The following PHF14 variants were observed in gnomAD, a reference collection of about 807,000 sequenced individuals.
PHF14 encodes the protein PHD finger protein 14.
In PHF14, 55 loss-of-function variants were observed where a neutral mutation model predicts 117.9. The observed-to-expected ratio is 0.47, with a 90% confidence interval of 0.38 to 0.58. The LOEUF (loss-of-function observed/expected upper bound fraction) is 0.58. Among genes scored for constraint, PHF14 ranks in the 20% least tolerant of loss-of-function variants. The pLI, the probability that PHF14 is intolerant of heterozygous loss-of-function variation, is 0.00. For missense variants in PHF14, 978 were observed against 1,122.2 expected (o/e 0.87, Z 1.84); for synonymous variants, 409 against 368.6 (o/e 1.11, Z -1.26).
intron 17 of PHF14, among the ~76,000 whole-genome samples, chr7:11,128,672 T>C (rs1414879677): frequency 6.6e-6 from 1 of 151,802 alleles, no homozygotes; most frequent in African/African-American, 2.4e-5. Flanking sequence ...GCTGCTAGTA[T>C]TTTAGATGTA....
At chr7:11,077,619 A>AG (rs1481629160) in intron 16 of PHF14, among the ~76,000 whole-genome samples, 2 of 151,484 alleles carry the variant, frequency 1.3e-5, no homozygotes, top group East Asian at 3.9e-4. Context: ...AAAAAAAAAA[A>AG]AAGACAGATT....
intron 17 of PHF14, among the ~76,000 whole-genome samples, chr7:11,152,311 C>T (rs1391487713): frequency 5.3e-5 from 8 of 152,076 alleles, no homozygotes; most frequent in African/African-American, 1.9e-4. Flanking sequence ...AATCCTAGCT[C>T]CTCTAATATT....
intron 13 of PHF14, among the ~76,000 whole-genome samples, chr7:11,047,319 T>C (rs1190315971): frequency 1.3e-5 from 2 of 151,912 alleles, no homozygotes; most frequent in Admixed American, 6.6e-5. Context: ...CCGCCTGCCT[T>C]GGCCTCCCAA....
At chr7:11,123,340 T>C (rs1787828071) in intron 17 of PHF14, among the ~76,000 whole-genome samples, 2 of 152,238 alleles carry the variant, frequency 1.3e-5, no homozygotes, top group Admixed American at 6.5e-5. Context: ...CGTTTCCTCT[T>C]ATAGTCTCCT....
intron 17 of PHF14, among the ~76,000 whole-genome samples, chr7:11,142,453 A>G (rs1181281029): frequency 3.3e-5 from 5 of 152,112 alleles, no homozygotes; most frequent in East Asian, 1.9e-4. Flanking sequence ...AGTATCAGCT[A>G]TAATTCATCG....
chr7:11,122,413 G>GTA (rs1179580302), intron 17 of PHF14, among the ~76,000 whole-genome samples: 27 of 79,904 alleles, frequency 3.4e-4, no homozygotes, highest in East Asian at 1.2e-3. Flanking sequence ...ATATATACAC[G>GTA]TATATATATA....
intron 17 of PHF14, among the ~76,000 whole-genome samples, chr7:11,125,932 TTAAAG>T (rs1003709882): frequency 6.6e-6 from 1 of 152,112 alleles, no homozygotes; most frequent in African/African-American, 2.4e-5. Flanking sequence ...TGAAAACTCT[TTAAAG>T]TATGCTTATA....
At chr7:11,149,446 A>AG (rs1788645597) in intron 17 of PHF14, among the ~76,000 whole-genome samples, 1 of 152,164 alleles carries the variant, frequency 6.6e-6, no homozygotes, top group Non-Finnish European at 1.5e-5. Flanking sequence ...CTAAAAAAAA[A>AG]TGGATGAAAT....
chr7:11,071,337 T>A (rs764951487), intron 16 of PHF14: 15 of 510,000 alleles, frequency 2.9e-5, no homozygotes, highest in Non-Finnish European at 5.1e-5. Flanking sequence ...AGCATCTTCT[T>A]CCAAGCTATT....
At chr7:11,144,824 T>C (rs1192696030) in intron 17 of PHF14, among the ~76,000 whole-genome samples, 2 of 151,750 alleles carry the variant, frequency 1.3e-5, no homozygotes, top group African/African-American at 4.8e-5. Flanking sequence ...AAGAACATTT[T>C]GCCAAGTAAA....
chr7:11,108,251 T>TC (rs1787334789), intron 16 of PHF14: 1 of 151,788 alleles, frequency 6.6e-6, no homozygotes, highest in Non-Finnish European at 1.5e-5. Context: ...CAGATTTTTT[T>TC]CACATTGAAA....
rs189928976 is a variant in PHF14, at chr7:11,118,867, T to C, written c.2772+7400T>C. ...CTTAAGCATCATTTTGAAAATATGA[T>C]TTATTAAGATAAGTTTGTCAGTGTT... On this transcript the variant is annotated intron_variant, in intron 17 of 17. Coordinates refer to ENST00000634607, the MANE Select transcript of PHF14 (RefSeq NM_001007157.2). 4.6e-5 allele frequency among the ~76,000 whole-genome samples: 7 copies of C among 151,950 alleles called. No homozygotes were observed. In the East Asian group the frequency reaches 1.3e-3, roughly 29 times the overall value.
chr7:11,034,297 A>T (rs1038999137), intron 7 of PHF14, among the ~76,000 whole-genome samples: 1 of 152,184 alleles, frequency 6.6e-6, no homozygotes, highest in South Asian at 2.1e-4. Flanking sequence ...TTTTTGGGAC[A>T]GACATAAAGA....
chr7:11,110,551 G>A (rs910989136), intron 16 of PHF14: 11 of 977,854 alleles, frequency 1.1e-5, no homozygotes, highest in Middle Eastern at 5.2e-4. Context: ...ACGAAGAATA[G>A]GTATGATAGT....
At chr7:11,138,033 A>G (rs1351169167) in intron 17 of PHF14, among the ~76,000 whole-genome samples, 8 of 143,452 alleles carry the variant, frequency 5.6e-5, no homozygotes, top group Non-Finnish European at 1.2e-4. Context: ...AAACAGGGAA[A>G]AATACTTCTT....
chr7:11,127,622 T>A (rs1787964667), intron 17 of PHF14, among the ~76,000 whole-genome samples: 1 of 152,092 alleles, frequency 6.6e-6, no homozygotes, highest in Non-Finnish European at 1.5e-5. Flanking sequence ...TTTTAGAAAA[T>A]TCCTCTTCTG....
chr7:11,035,877 A>G lies in PHF14; in HGVS notation c.1602+91A>G, dbSNP rs149720638. 3.4e-4 allele frequency: 328 copies of G among 969,954 alleles called. 2 individuals are homozygous for G. The African/African-American group carries it at 5.0e-3, about 15-fold the overall frequency. 60.1% of individuals were successfully genotyped at this position (969,954 alleles called of 1,614,324 possible). On this transcript the variant is annotated intron_variant, in intron 8 of 17. Transcript: ENST00000634607. Reference sequence around the variant, plus strand: ...TGTGGCTTCCAGTGACATGTGACGTATAATAGGAAGTTTGGTTAGTTACCT... The same window carrying G: ...TGTGGCTTCCAGTGACATGTGACGTGTAATAGGAAGTTTGGTTAGTTACCT...
intron 16 of PHF14, among the ~76,000 whole-genome samples, chr7:11,073,158 A>G (rs986356962): frequency 2.0e-4 from 30 of 152,196 alleles, no homozygotes; most frequent in African/African-American, 7.0e-4. Context: ...CAGTCCTCCA[A>G]AGTCTTTACT....
intron 5 of PHF14, among the ~76,000 whole-genome samples, chr7:11,022,169 G>A (rs1428304581): frequency 6.6e-6 from 1 of 152,092 alleles, no homozygotes; most frequent in Non-Finnish European, 1.5e-5. Context: ...CTGAAACTCT[G>A]AGCATTCTTT....
Sources: allele counts gnomAD v4.1 joint callset (sites outside exome capture counted in the v4.1 genomes callset), GRCh38; gene constraint gnomAD v4.1.1; transcripts MANE v1.5; gene names NCBI Gene and HGNC (gene_info 2026-07-23, HGNC 2026-07-21).